Variants in MICU3 observed in about 807,000 individuals in gnomAD.
MICU3 encodes mitochondrial calcium uptake 3, also known as calcium uptake protein 3, mitochondrial.
In MICU3, 62 loss-of-function variants were observed where a neutral mutation model predicts 66.5. The observed-to-expected ratio is 0.93, with a 90% CI of 0.76 to 1.15. The LOEUF (loss-of-function observed/expected upper bound fraction) is 1.15. Among genes scored for constraint, MICU3 ranks in the 50% most tolerant of loss-of-function variants. MICU3 has a pLI of 0.00. For missense variants in MICU3, 779 were observed against 664.4 expected (o/e 1.17, Z -1.90); for synonymous variants, 308 against 240.7 (o/e 1.28, Z -2.59).
intron 9 of MICU3, among the ~76,000 whole-genome samples, chr8:17,099,124 G>A (rs1423480887): frequency 6.6e-6 from 1 of 151,674 alleles, no homozygotes; most frequent in Non-Finnish European, 1.5e-5. Flanking sequence ...TCGTACTGCT[G>A]CATCGGAGTG....
rs772256949 is a variant in MICU3 at position 17,105,461 on chromosome 8, C to T, written c.1134C>T (p.Ser378=). The change falls in exon 11 of 15, where the codon TCC becomes TCT. Residue 378 remains serine (S), a synonymous_variant. Coordinates refer to ENST00000318063, the MANE Select transcript of MICU3 (RefSeq NM_181723.3). ...AAGTTCTAGAAATAGAATTCCTTTCCTACTCAAATGGAATGAATACCATCA... is the reference window on the plus strand; with the variant it reads ...AAGTTCTAGAAATAGAATTCCTTTCTTACTCAAATGGAATGAATACCATCA... ...QTEVLEIEFL[S]YSNGMNTISE... is the part of the protein sequence containing the mutation. The T allele has an allele frequency of 2.5e-6, 4 of 1,571,058 alleles. No homozygotes were observed. Among genetic ancestry groups the T allele is most frequent in the East Asian group, 2.3e-5 (1 of 43,888 alleles).
chr8:17,097,917 C>T (rs1800886508), intron 8 of MICU3, among the ~76,000 whole-genome samples: 2 of 151,732 alleles, frequency 1.3e-5, no homozygotes, highest in African/African-American at 2.4e-5. Flanking sequence ...TGCCAAATCT[C>T]AAGTAGTTTT....
intron 4 of MICU3, among the ~76,000 whole-genome samples, chr8:17,081,136 T>C (rs1439707871): frequency 6.6e-6 from 1 of 152,080 alleles, no homozygotes; most frequent in Non-Finnish European, 1.5e-5. Flanking sequence ...TTAATTACAA[T>C]AAAAACTCCT....
At chr8:17,124,509 T>C (rs1430731887), downstream of MICU3, among the ~76,000 whole-genome samples, 1 of 152,038 alleles carries the variant, frequency 6.6e-6, no homozygotes, top group African/African-American at 2.4e-5. Flanking sequence ...TACTGTCCCA[T>C]CTAGAATGGT....
At chr8:17,133,277 G>C in the MICU3 span, among the ~76,000 whole-genome samples, 1 of 152,086 alleles carries the variant, frequency 6.6e-6, no homozygotes, top group Non-Finnish European at 1.5e-5. Context: ...CAATCAAACT[G>C]CTCCACTATT....
At chr8:17,133,671 T>C in the MICU3 span, among the ~76,000 whole-genome samples, 3 of 152,208 alleles carry the variant, frequency 2.0e-5, no homozygotes, top group African/African-American at 7.2e-5. Context: ...GGGACTAATT[T>C]TGTTACCTGG....
rs1801557461 is a variant in MICU3 at position 17,104,473 on chromosome 8, A to G, written c.1067A>G (p.Asn356Ser). ...FFGKKGKAELNFEDFYRFMDN... is the reference protein window; with the variant it reads ...FFGKKGKAELSFEDFYRFMDN... ...GGAAAGAAAGGAAAAGCTGAGCTCAACTTTGAAGATTTTTATAGGTGAGCT... is the reference window on the plus strand; with the variant it reads ...GGAAAGAAAGGAAAAGCTGAGCTCAGCTTTGAAGATTTTTATAGGTGAGCT... The change falls in exon 10 of 15, where the codon AAC becomes AGC. Residue 356 changes from asparagine (N) to serine (S), a missense_variant. Physicochemically the swap from Asn to Ser is conservative, Grantham distance 46 (BLOSUM62 1). Transcript: ENST00000318063. 1 of 1,452,800 alleles carries G rather than the reference A, an allele frequency of 6.9e-7. No homozygotes were observed. Among genetic ancestry groups the G allele is most frequent in the Non-Finnish European group, 9.3e-7 (1 of 1,079,868 alleles). The allele number at this position is 1,452,800 out of a possible 1,614,324, so 90.0% of individuals were successfully genotyped here.
chr8:17,098,340 C>T, intron 8 of MICU3, 118 bp from the exon 9 acceptor site: 1 of 772,222 alleles, frequency 1.3e-6, no homozygotes, highest in Non-Finnish European at 2.3e-6. Flanking sequence ...AACAAACAAA[C>T]AAAAAAAGGT....
chr8:17,073,433 A>G (rs1268449364), intron 3 of MICU3, among the ~76,000 whole-genome samples: 2 of 152,090 alleles, frequency 1.3e-5, no homozygotes, highest in Non-Finnish European at 2.9e-5. Flanking sequence ...GCCTGATGAT[A>G]TGTCACTGTC....
intron 2 of MICU3, among the ~76,000 whole-genome samples, chr8:17,068,959 G>A (rs1006680532): frequency 6.6e-6 from 1 of 152,134 alleles, no homozygotes; most frequent in African/African-American, 2.4e-5. Context: ...TATTTACAGT[G>A]TTCAAATGTG....
chr8:17,093,909 AAAAT>A (rs1800367646), intron 8 of MICU3, among the ~76,000 whole-genome samples: 1 of 152,026 alleles, frequency 6.6e-6, no homozygotes, highest in Non-Finnish European at 1.5e-5. Context: ...AATATACAAT[AAAAT>A]AAATAATGAT....
intron 7 of MICU3, among the ~76,000 whole-genome samples, chr8:17,089,469 A>G (rs766961117): frequency 4.6e-5 from 7 of 152,122 alleles, no homozygotes; most frequent in Non-Finnish European, 7.4e-5. Flanking sequence ...ATGTAAGGTG[A>G]TGTTATCAAG....
intron 1 of MICU3, among the ~76,000 whole-genome samples, chr8:17,055,057 T>C (rs1816713241): frequency 6.6e-6 from 1 of 152,098 alleles, no homozygotes; most frequent in Non-Finnish European, 1.5e-5. Context: ...TCTTAATCTG[T>C]TGCAGTGTTT....
downstream of MICU3, among the ~76,000 whole-genome samples, chr8:17,123,244 A>G (rs1357018975): frequency 2.6e-5 from 4 of 152,154 alleles, no homozygotes; most frequent in African/African-American, 9.6e-5. Flanking sequence ...AGTTCTCTAT[A>G]TAGCATAATC....
the MICU3 span, among the ~76,000 whole-genome samples, chr8:17,137,447 G>A: frequency 1.3e-5 from 2 of 149,056 alleles, no homozygotes; most frequent in Non-Finnish European, 3.0e-5. Context: ...GACAAGTTGA[G>A]AGAGACAGAC....
intron 2 of MICU3, among the ~76,000 whole-genome samples, chr8:17,068,991 G>T (rs118060930): frequency 0.022 from 3,409 of 152,254 alleles, 59 homozygotes; most frequent in Non-Finnish European, 0.035. Flanking sequence ...TAGCAATACT[G>T]ACTATACATT....
At chr8:17,127,996 A>G in the MICU3 span, among the ~76,000 whole-genome samples, 1 of 152,134 alleles carries the variant, frequency 6.6e-6, no homozygotes, top group Non-Finnish European at 1.5e-5. Context: ...ACCAGACCAC[A>G]TAAGGGGAGG....
chr8:17,071,826 A>T (rs79975890), intron 3 of MICU3, among the ~76,000 whole-genome samples: 3 of 152,176 alleles, frequency 2.0e-5, no homozygotes, highest in Non-Finnish European at 4.4e-5. Flanking sequence ...TAATAGAAAC[A>T]AGAACTATTA....
the MICU3 span, among the ~76,000 whole-genome samples, chr8:17,133,423 TATCAAATATATAG>T: frequency 6.6e-6 from 1 of 152,344 alleles, no homozygotes; most frequent in East Asian, 1.9e-4. Context: ...TTTCTTTGTA[TATCAAATATATAG>T]ATCATTTGGC....
Sources: allele counts gnomAD v4.1 joint callset (sites outside exome capture counted in the v4.1 genomes callset), GRCh38; gene constraint gnomAD v4.1.1; transcripts MANE v1.5; gene names NCBI Gene and HGNC (gene_info 2026-07-23, HGNC 2026-07-21).